The following CNTN1 variants were observed in gnomAD, a reference collection of about 807,000 sequenced individuals.
CNTN1 encodes contactin-1.
Under a neutral mutation model 126.4 loss-of-function variants are expected in CNTN1, and 38 were observed. That is an observed-to-expected ratio of 0.30 (90% CI 0.23 to 0.39). CNTN1 has a LOEUF of 0.39. Ranked by LOEUF, CNTN1 falls within the 10% of genes least tolerant of loss-of-function variation. CNTN1 has a pLI of 1.00. For missense variants in CNTN1, 1,009 were observed against 1,248.4 expected (o/e 0.81, Z 2.89); for synonymous variants, 413 against 422.6 (o/e 0.98, Z 0.28).
At chr12:40,777,688 G>A (rs66951529) in intron 1 of CNTN1, among the ~76,000 whole-genome samples, 11,743 of 151,762 alleles carry the variant, frequency 0.077, 522 homozygotes, top group Non-Finnish European at 0.092. Flanking sequence ...CTGATATGTC[G>A]TGTTCTAAGG....
intron 6 of CNTN1, among the ~76,000 whole-genome samples, chr12:40,927,647 A>AT (rs1296669590): frequency 2.6e-5 from 4 of 152,090 alleles, no homozygotes; most frequent in African/African-American, 9.7e-5. Context: ...AATAAGTAAG[A>AT]TTTGTTAAAT....
At position 41,070,167 on chromosome 12, in the gene CNTN1, C is replaced by T. The variant is rs1167436898; in HGVS notation, c.*132C>T. ...AATTATACTTTAACAAACTATTCAA[C>T]TGATTTACAACACACATGATGACTG... On this transcript the variant is annotated 3_prime_UTR_variant, in exon 24 of 24. Coordinates refer to ENST00000551295, the MANE Select transcript of CNTN1 (RefSeq NM_001843.4). 1 of 793,532 alleles carries T rather than the reference C, an allele frequency of 1.3e-6. No homozygotes were observed. The highest frequency in any genetic ancestry group is 2.2e-6 in the Non-Finnish European group (1 of 463,408). 49.2% of individuals were successfully genotyped at this position (793,532 alleles called of 1,614,324 possible). A position where few individuals can be genotyped will look rare whatever the true frequency, so the allele number is the denominator to read the frequency against.
At chr12:40,699,481 A>G (rs890359082) in intron 1 of CNTN1, among the ~76,000 whole-genome samples, 4 of 152,238 alleles carry the variant, frequency 2.6e-5, no homozygotes, top group Non-Finnish European at 4.4e-5. Flanking sequence ...AATAATTCCA[A>G]ATTGCTAAAT....
chr12:40,957,988 C>G (rs58887286), intron 14 of CNTN1, among the ~76,000 whole-genome samples: 1 of 152,010 alleles, frequency 6.6e-6, no homozygotes, highest in Non-Finnish European at 1.5e-5. Flanking sequence ...ACTCCATGTA[C>G]AGTCATGATA....
intron 1 of CNTN1, among the ~76,000 whole-genome samples, chr12:40,805,331 C>T (rs1940809037): frequency 6.6e-6 from 1 of 151,998 alleles, no homozygotes; most frequent in African/African-American, 2.4e-5. Context: ...TCCTTGGAAG[C>T]TCTGCACTAT....
intron 1 of CNTN1, among the ~76,000 whole-genome samples, chr12:40,717,851 T>G (rs769755253): frequency 6.6e-6 from 1 of 152,176 alleles, no homozygotes; most frequent in Non-Finnish European, 1.5e-5. Flanking sequence ...CAAAACTAGG[T>G]TCATCATCTT....
At chr12:40,830,328 T>G (rs10735961) in intron 1 of CNTN1, among the ~76,000 whole-genome samples, 1 of 151,740 alleles carries the variant, frequency 6.6e-6, no homozygotes, top group Non-Finnish European at 1.5e-5. Context: ...TTGTTTGGTA[T>G]ATATGAGGCA....
At chr12:40,925,800 T>TTATATATATATATATATATATATA (rs370971706) in intron 6 of CNTN1, among the ~76,000 whole-genome samples, 10 of 116,590 alleles carry the variant, frequency 8.6e-5, no homozygotes, top group African/African-American at 3.5e-4. Flanking sequence ...ACTATTGAAA[T>TTATATATATATATATATATATATA]TATATATATA....
At position 41,048,442 on chromosome 12, in the gene CNTN1, G is replaced by A. The variant is rs567997634; in HGVS notation, c.2980+19223G>A. On this transcript the variant is annotated intron_variant, in intron 23 of 23. Coordinates refer to ENST00000551295, the MANE Select transcript of CNTN1 (RefSeq NM_001843.4). ...TGAAGCAGTCGACACCTACACATAC[G>A]CCCATGTGACCTGCCTTTCTTTCTA... Among the ~76,000 whole-genome samples the A allele has an allele frequency of 3.3e-4, 50 of 151,952 alleles. No homozygotes were observed. The South Asian group carries it at 8.3e-3, about 25-fold the overall frequency.
chr12:40,734,793 G>T (rs200700127), intron 1 of CNTN1, among the ~76,000 whole-genome samples: 13 of 151,976 alleles, frequency 8.6e-5, no homozygotes, highest in African/African-American at 2.9e-4. Flanking sequence ...AGATGAAATT[G>T]CCCATTGTAT....
chr12:40,904,524 G>T (rs1944742149), intron 1 of CNTN1, among the ~76,000 whole-genome samples: 1 of 151,728 alleles, frequency 6.6e-6, no homozygotes, highest in Admixed American at 6.6e-5. Context: ...CAGCTCCTGG[G>T]TTCAAGCAAT....
intron 1 of CNTN1, among the ~76,000 whole-genome samples, chr12:40,780,021 T>G (rs1272381371): frequency 6.6e-6 from 1 of 151,922 alleles, no homozygotes; most frequent in Non-Finnish European, 1.5e-5. Context: ...CCTAAGATCT[T>G]CTGGACCACG....
chr12:41,043,751 A>C (rs549897039), intron 23 of CNTN1, among the ~76,000 whole-genome samples: 35 of 151,960 alleles, frequency 2.3e-4, no homozygotes, highest in East Asian at 1.7e-3. Flanking sequence ...AACCAACCCA[A>C]ATGTCCAACA....
intron 14 of CNTN1, among the ~76,000 whole-genome samples, chr12:40,956,474 G>A (rs950710946): frequency 2.6e-5 from 4 of 152,070 alleles, no homozygotes; most frequent in Non-Finnish European, 4.4e-5. Flanking sequence ...AGACTTGCTG[G>A]AGAAAATGAT....
intron 1 of CNTN1, among the ~76,000 whole-genome samples, chr12:40,830,042 C>G (rs1760502097): frequency 6.6e-6 from 1 of 152,090 alleles, no homozygotes; most frequent in South Asian, 2.1e-4. Context: ...GAATTAATGG[C>G]CTAACAAGGG....
chr12:41,043,762 A>G (rs1043609242), intron 23 of CNTN1, among the ~76,000 whole-genome samples: 1 of 151,834 alleles, frequency 6.6e-6, no homozygotes, highest in East Asian at 1.9e-4. Flanking sequence ...ATGTCCAACA[A>G]TGATAGACTG....
intron 7 of CNTN1, among the ~76,000 whole-genome samples, chr12:40,932,149 G>A (rs1210212691): frequency 6.6e-6 from 1 of 151,750 alleles, no homozygotes; most frequent in South Asian, 2.1e-4. Context: ...TACCTGATAC[G>A]ATTTGGCTGT....
intron 1 of CNTN1, chr12:40,828,248 G>C (rs1235310634): frequency 6.6e-6 from 1 of 152,122 alleles, no homozygotes; most frequent in Non-Finnish European, 1.5e-5. Flanking sequence ...TTATTCAAAT[G>C]GACAATTTGC....
At chr12:40,734,449 G>C (rs1199840333) in intron 1 of CNTN1, among the ~76,000 whole-genome samples, 1 of 152,056 alleles carries the variant, frequency 6.6e-6, no homozygotes, top group Non-Finnish European at 1.5e-5. Context: ...ACCCTGAAAA[G>C]GCAGTAGACC....
Sources: gnomAD v4.1 joint callset for allele counts (sites outside exome capture counted in the v4.1 genomes callset) on GRCh38, gnomAD v4.1.1 for gene constraint, MANE v1.5 for transcripts, NCBI Gene and HGNC (gene_info 2026-07-23, HGNC 2026-07-21) for gene names.